PTPRT: variants seen among roughly 807,000 people sequenced by gnomAD.
PTPRT encodes the protein receptor-type tyrosine-protein phosphatase T.
Under a neutral mutation model 176.8 loss-of-function variants are expected in PTPRT, and 56 were observed. The observed-to-expected ratio is 0.32, with a 90% confidence interval of 0.26 to 0.40. The LOEUF (loss-of-function observed/expected upper bound fraction) is 0.40. PTPRT is among the 10% of genes least tolerant of loss of function. The pLI, the probability that PTPRT is intolerant of heterozygous loss-of-function variation, is 1.00. For synonymous variants in PTPRT, 783 were observed against 739.0 expected, an observed-to-expected ratio of 1.06 and a Z score of -0.96; for missense variants, 1,540 against 1,908.2, an observed-to-expected ratio of 0.81 and a Z score of 3.60.
At chr20:42,944,714 G>A (rs533125518) in intron 1 of PTPRT, among the ~76,000 whole-genome samples, 5 of 152,146 alleles carry the variant, frequency 3.3e-5, no homozygotes, top group South Asian at 4.2e-4. Flanking sequence ...TTTACATATC[G>A]TCTCCCCAGA....
intron 3 of PTPRT, among the ~76,000 whole-genome samples, chr20:42,782,849 T>G (rs963249077): frequency 2.6e-4 from 39 of 152,172 alleles, no homozygotes; most frequent in African/African-American, 9.4e-4. Context: ...AATGGTCATT[T>G]AGAAAAAACA....
At chr20:42,563,891 G>A (rs528973568) in intron 7 of PTPRT, among the ~76,000 whole-genome samples, 16 of 152,224 alleles carry the variant, frequency 1.1e-4, no homozygotes, top group South Asian at 1.0e-3. Context: ...TTTTTCGCTC[G>A]TGTCACAGTC....
chr20:42,707,097 G>A (rs193157997), intron 6 of PTPRT, among the ~76,000 whole-genome samples: 2 of 152,328 alleles, frequency 1.3e-5, no homozygotes, highest in Admixed American at 1.3e-4. Flanking sequence ...AAAGGAGTCT[G>A]GCCCTGCTAA....
Position 42,074,698 on chromosome 20 carries a change from G to C in PTPRT, c.*6181C>G, listed in dbSNP as rs971739935. ...TGCTAGGTTTGGAGGCTACCATTGTGAGTGTTGATGCCTCCTTTTAGAGAC... is the reference window on the plus strand; with the variant it reads ...TGCTAGGTTTGGAGGCTACCATTGTCAGTGTTGATGCCTCCTTTTAGAGAC... On this transcript the variant is annotated 3_prime_UTR_variant, in exon 31 of 31. Transcript: ENST00000373187. 1 of 398,250 alleles carries C rather than the reference G, an allele frequency of 2.5e-6. No individual in the cohort carries two copies. Among genetic ancestry groups the C allele is most frequent in the Admixed American group, 4.4e-5 (1 of 22,706 alleles). 24.7% of individuals were successfully genotyped at this position (398,250 alleles called of 1,614,324 possible).
At chr20:42,840,321 A>T (rs535435650) in intron 2 of PTPRT, among the ~76,000 whole-genome samples, 1 of 152,150 alleles carries the variant, frequency 6.6e-6, no homozygotes, top group Non-Finnish European at 1.5e-5. Context: ...AACTAATTAC[A>T]TCTGCAATGA....
intron 1 of PTPRT, among the ~76,000 whole-genome samples, chr20:43,009,372 C>T (rs1033781062): frequency 6.6e-6 from 1 of 152,172 alleles, no homozygotes; most frequent in African/African-American, 2.4e-5. Context: ...GGGGAACCTA[C>T]AGGCTACTGG....
chr20:42,906,973 G>A (rs2079486769), intron 1 of PTPRT, among the ~76,000 whole-genome samples: 2 of 152,004 alleles, frequency 1.3e-5, no homozygotes, highest in Admixed American at 1.3e-4. Context: ...CTAACAAAGA[G>A]CACACCATGT....
intron 11 of PTPRT, among the ~76,000 whole-genome samples, chr20:42,341,773 T>C (rs2058114615): frequency 6.6e-6 from 1 of 152,184 alleles, no homozygotes; most frequent in African/African-American, 2.4e-5. Context: ...CCACTCTTCT[T>C]TCCCTCATGC....
chr20:42,740,997 G>T (rs1000167289), intron 6 of PTPRT, among the ~76,000 whole-genome samples: 9 of 152,218 alleles, frequency 5.9e-5, no homozygotes, highest in African/African-American at 2.2e-4. Flanking sequence ...GCATGTGCAT[G>T]TGCATGCTGG....
chr20:42,925,703 G>A (rs1979440471), intron 1 of PTPRT, among the ~76,000 whole-genome samples: 1 of 152,186 alleles, frequency 6.6e-6, no homozygotes, highest in Non-Finnish European at 1.5e-5. Flanking sequence ...CTGCCCCCTT[G>A]GGTTTCTGAT....
chr20:42,679,612 A>T (rs1187722304), intron 6 of PTPRT, among the ~76,000 whole-genome samples: 1 of 152,218 alleles, frequency 6.6e-6, no homozygotes, highest in Non-Finnish European at 1.5e-5. Flanking sequence ...TTATTCTTCC[A>T]TGTCCATTCC....
rs1279529339 is a variant in PTPRT at position 42,079,579 on chromosome 20, ATGT to A, written c.*1297_*1299del. The A allele has an allele frequency of 4.4e-6, 1 of 225,022 alleles. No homozygotes were observed. Among genetic ancestry groups the A allele is most frequent in the East Asian group, 6.4e-5 (1 of 15,666 alleles). 13.9% of individuals were successfully genotyped at this position (225,022 alleles called of 1,614,324 possible). Reference sequence around the variant, plus strand: ...CTGGCATACAGTAGAGACTTAGCAAATGTTGGTTCCCTCTCATTGACTCACTCA... The same window carrying A: ...CTGGCATACAGTAGAGACTTAGCAAATGGTTCCCTCTCATTGACTCACTCA... On this transcript the variant is annotated 3_prime_UTR_variant, in exon 31 of 31. Transcript: ENST00000373187.
At chr20:42,574,037 G>A (rs557023398) in intron 7 of PTPRT, among the ~76,000 whole-genome samples, 27 of 152,136 alleles carry the variant, frequency 1.8e-4, no homozygotes, top group South Asian at 6.2e-4. Flanking sequence ...GTGAGCCACC[G>A]CACCCAGCAA....
intron 2 of PTPRT, among the ~76,000 whole-genome samples, chr20:42,810,586 C>T (rs2077684712): frequency 6.6e-6 from 1 of 152,198 alleles, no homozygotes; most frequent in South Asian, 2.1e-4. Flanking sequence ...AGTTCTGAAG[C>T]TTACCATTGT....
chr20:42,663,531 T>C (rs1443534718), intron 7 of PTPRT, among the ~76,000 whole-genome samples: 1 of 152,148 alleles, frequency 6.6e-6, no homozygotes, highest in Non-Finnish European at 1.5e-5. Flanking sequence ...AGAATTTGAC[T>C]GATGTTCTAG....
At chr20:42,794,884 G>A (rs951722741) in intron 2 of PTPRT, among the ~76,000 whole-genome samples, 2 of 150,758 alleles carry the variant, frequency 1.3e-5, no homozygotes, top group South Asian at 2.1e-4. Flanking sequence ...GGGATCCAGC[G>A]GCCATCTCTA....
chr20:42,249,972 C>T (rs1202162238), intron 13 of PTPRT, among the ~76,000 whole-genome samples: 1 of 152,172 alleles, frequency 6.6e-6, no homozygotes, highest in Non-Finnish European at 1.5e-5. Flanking sequence ...CCAAACCATC[C>T]TCTTCCTAAC....
rs370847231 is a variant in PTPRT at position 42,724,708 on chromosome 20, G to A, written c.859+31754C>T. ...AACACTTTGGGAGGCCAAGACAGGAGGATCACTTGAGGCCAGGAGCTCAAG... is the reference window on the plus strand; with the variant it reads ...AACACTTTGGGAGGCCAAGACAGGAAGATCACTTGAGGCCAGGAGCTCAAG... On this transcript the variant is annotated intron_variant, in intron 6 of 30. Transcript: ENST00000373187. Among the ~76,000 whole-genome samples, 5 of 152,168 alleles carry A rather than the reference G, an allele frequency of 3.3e-5. No homozygotes were observed. The East Asian group carries it at 5.8e-4, about 18-fold the overall frequency.
intron 4 of PTPRT, among the ~76,000 whole-genome samples, chr20:42,778,948 G>A (rs901452131): frequency 5.3e-5 from 8 of 152,120 alleles, no homozygotes; most frequent in African/African-American, 1.4e-4. Context: ...GCAAAGAAGA[G>A]CCCAGTAGCA....
Sources: gnomAD v4.1 joint callset for allele counts (sites outside exome capture counted in the v4.1 genomes callset) on GRCh38, gnomAD v4.1.1 for gene constraint, MANE v1.5 for transcripts, NCBI Gene and HGNC (gene_info 2026-07-23, HGNC 2026-07-21) for gene names.